Variants in SYT1 observed in about 807,000 individuals in gnomAD.
The protein encoded by SYT1 is synaptotagmin-1.
In SYT1, 8 loss-of-function variants were observed where a neutral mutation model predicts 44.8. The observed-to-expected ratio is 0.18, with a 90% confidence interval of 0.10 to 0.32. SYT1 has a LOEUF of 0.32. Among genes scored for constraint, SYT1 ranks in the 10% least tolerant of loss-of-function variants. The pLI, the probability that SYT1 is intolerant of heterozygous loss-of-function variation, is 1.00. For missense variants in SYT1, 286 were observed against 509.3 expected, an observed-to-expected ratio of 0.56 and a Z score of 4.22; for synonymous variants, 154 against 188.8, an observed-to-expected ratio of 0.82 and a Z score of 1.51.
At chr12:78,902,272 G>A (rs749175230) in intron 1 of SYT1, among the ~76,000 whole-genome samples, 5 of 151,738 alleles carry the variant, frequency 3.3e-5, no homozygotes, top group Non-Finnish European at 7.4e-5. Context: ...TTGATCTTAT[G>A]TGTGTAACTA....
rs1416747052 is a variant in SYT1, at chr12:79,296,069, C to T, written c.475C>T (p.Leu159=). 3 of 1,604,164 alleles carry T rather than the reference C, an allele frequency of 1.9e-6. No individual in the cohort carries two copies. Among genetic ancestry groups the T allele is most frequent in the Admixed American group, 1.7e-5 (1 of 57,554 alleles). ...SLDYDFQNNQ[L]LVGIIQAAEL... The stretch of plus-strand genomic sequence containing the variant: ...TGCTGTATTCTGTCATTTATTTCAG[C>T]TGCTGGTAGGGATCATTCAGGCTGC... Residue 159 remains leucine, a splice_region_variant and synonymous_variant, in exon 7 of 11, where the codon CTG becomes TTG. Transcript: ENST00000261205.
At chr12:79,045,594 C>T (rs138359930) in intron 2 of SYT1, 2,133 of 154,254 alleles carry the variant, frequency 0.014, 51 homozygotes, top group African/African-American at 0.047. Context: ...GCGTCACTCA[C>T]GCTGGGAGCT....
At chr12:79,396,491 A>T (rs73134528) in intron 9 of SYT1, among the ~76,000 whole-genome samples, 18,480 of 152,174 alleles carry the variant, frequency 0.12, 1,175 homozygotes, top group Non-Finnish European at 0.14. Context: ...AGGTCATAGG[A>T]AATAATTATT....
At chr12:78,973,453 A>G (rs1254294748) in intron 1 of SYT1, among the ~76,000 whole-genome samples, 1 of 152,194 alleles carries the variant, frequency 6.6e-6, no homozygotes, top group Non-Finnish European at 1.5e-5. Context: ...AGGCTTCTCA[A>G]GAAATTAGAA....
chr12:79,102,135 C>T (rs1045549277), intron 3 of SYT1, among the ~76,000 whole-genome samples: 3 of 151,998 alleles, frequency 2.0e-5, no homozygotes, highest in African/African-American at 7.3e-5. Flanking sequence ...TATTGAACTC[C>T]TCCTGTGGGT....
chr12:79,083,294 G>C (rs939342457), intron 3 of SYT1, among the ~76,000 whole-genome samples: 10 of 152,142 alleles, frequency 6.6e-5, no homozygotes, highest in Non-Finnish European at 1.2e-4. Context: ...ATACATTACT[G>C]ACTGAAGTAT....
chr12:79,087,104 C>G (rs150761355), intron 3 of SYT1, among the ~76,000 whole-genome samples: 4 of 152,084 alleles, frequency 2.6e-5, no homozygotes, highest in African/African-American at 9.7e-5. Flanking sequence ...ACAATTCGGG[C>G]CTTTTCTAGC....
chr12:79,233,309 T>C (rs114833181), intron 4 of SYT1, among the ~76,000 whole-genome samples: 2,620 of 152,366 alleles, frequency 0.017, 74 homozygotes, highest in African/African-American at 0.058. Context: ...TACATGATGA[T>C]TGTTATCTAA....
chr12:79,073,329 C>A, intron 3 of SYT1, among the ~76,000 whole-genome samples: 1 of 152,036 alleles, frequency 6.6e-6, no homozygotes, highest in Non-Finnish European at 1.5e-5. Flanking sequence ...ACTGGGTGCC[C>A]TGTATTTTCA....
chr12:78,924,085 T>C (rs1646847053), intron 1 of SYT1, among the ~76,000 whole-genome samples: 3 of 151,936 alleles, frequency 2.0e-5, no homozygotes, highest in African/African-American at 4.8e-5. Context: ...AATTTAAGTT[T>C]GTCAAATGTT....
intron 3 of SYT1, among the ~76,000 whole-genome samples, chr12:79,211,493 G>A (rs1874447384): frequency 6.6e-6 from 1 of 151,720 alleles, no homozygotes; most frequent in Admixed American, 6.6e-5. Flanking sequence ...ACATTGTGCA[G>A]GTTAGTTACA....
intron 1 of SYT1, among the ~76,000 whole-genome samples, chr12:78,947,737 A>G (rs1379673933): frequency 6.6e-6 from 1 of 151,788 alleles, no homozygotes; most frequent in Non-Finnish European, 1.5e-5. Flanking sequence ...TCTTTATATA[A>G]CTATTTAGGT....
intron 3 of SYT1, among the ~76,000 whole-genome samples, chr12:79,179,024 A>C (rs1245336426): frequency 8.5e-5 from 1 of 11,824 alleles, no homozygotes; most frequent in Non-Finnish European, 1.6e-4. Context: ...AGATATAGAT[A>C]TAGATATATA....
At chr12:79,180,651 T>A (rs117491325) in intron 3 of SYT1, among the ~76,000 whole-genome samples, 6,568 of 150,696 alleles carry the variant, frequency 0.044, 152 homozygotes, top group Non-Finnish European at 0.049. Context: ...CAAGAGAGAG[T>A]GAAGGGGGAG....
intron 9 of SYT1, among the ~76,000 whole-genome samples, chr12:79,409,582 C>G (rs991013294): frequency 6.6e-6 from 1 of 152,072 alleles, no homozygotes; most frequent in Non-Finnish European, 1.5e-5. Context: ...AGAGAAATTT[C>G]CAGAACAGCC....
At chr12:79,233,981 T>C (rs958785690) in intron 4 of SYT1, among the ~76,000 whole-genome samples, 3 of 152,174 alleles carry the variant, frequency 2.0e-5, no homozygotes, top group Non-Finnish European at 4.4e-5. Context: ...GCAGGGATAG[T>C]TGGATCCGTA....
At position 79,345,142 on chromosome 12, in the gene SYT1, G is replaced by A. The variant is rs142646950; in HGVS notation, c.811-8360G>A. ...CCTCCAGGACACCTATATGTCCCCTGCCCTCCTCCTCCTCCCACAGACACC... is the reference window on the plus strand; with the variant it reads ...CCTCCAGGACACCTATATGTCCCCTACCCTCCTCCTCCTCCCACAGACACC... On this transcript the variant is annotated intron_variant, in intron 8 of 10. Coordinates refer to ENST00000261205, the MANE Select transcript of SYT1 (RefSeq NM_005639.3). 7.4e-3 allele frequency among the ~76,000 whole-genome samples: 1,127 copies of A among 152,134 alleles called. 12 individuals are homozygous for A. Among genetic ancestry groups the A allele is most frequent in the African/African-American group, 0.025 (1,037 of 41,494 alleles).
At position 78,942,981 on chromosome 12, in the gene SYT1, G is replaced by C. The variant is rs1361054181; in HGVS notation, c.-216-34818G>C. ...ATGAAATCATCAGTAAAACTGACCA[G>C]GGCTTTCCTATGTTTATATTTTCCA... is the stretch of plus-strand genomic sequence containing the variant. On this transcript the variant is annotated intron_variant, in intron 1 of 10. Transcript: ENST00000261205. 3.9e-5 allele frequency among the ~76,000 whole-genome samples: 6 copies of C among 152,100 alleles called. No homozygotes were observed. The East Asian group carries it at 1.2e-3, about 29-fold the overall frequency.
chr12:78,964,020 G>C (rs959703588), intron 1 of SYT1: 4 of 152,246 alleles, frequency 2.6e-5, no homozygotes, highest in Admixed American at 6.6e-5. Flanking sequence ...AGCTGTCCCC[G>C]GCACATGCTC....
Sources: gnomAD v4.1 joint callset for allele counts (sites outside exome capture counted in the v4.1 genomes callset) on GRCh38, gnomAD v4.1.1 for gene constraint, MANE v1.5 for transcripts, NCBI Gene and HGNC (gene_info 2026-07-23, HGNC 2026-07-21) for gene names.